Variants in PRKG1 observed in about 807,000 individuals in gnomAD.
The protein encoded by PRKG1 is protein kinase cGMP-dependent 1, also known as cGMP-dependent protein kinase 1.
PRKG1 carries 35 observed loss-of-function variants against 88.1 expected under a neutral mutation model. The observed-to-expected ratio is 0.40, with a 90% CI of 0.30 to 0.53. The LOEUF (loss-of-function observed/expected upper bound fraction) is 0.53. Ranked by LOEUF, PRKG1 falls within the 20% of genes least tolerant of loss-of-function variation. The probability of loss-of-function intolerance (pLI) is 0.59; values close to 1 mark genes in which losing one functional copy is unlikely to be tolerated. For synonymous variants in PRKG1, 303 were observed against 292.5 expected, an observed-to-expected ratio of 1.04 and a Z score of -0.37; for missense variants, 540 against 839.8, an observed-to-expected ratio of 0.64 and a Z score of 4.41.
intron 5 of PRKG1, among the ~76,000 whole-genome samples, chr10:52,022,457 A>G (rs961311488): frequency 5.3e-5 from 8 of 152,190 alleles, no homozygotes; most frequent in African/African-American, 1.9e-4. Flanking sequence ...ATATTACTTA[A>G]AGTTAAAATT....
At chr10:51,135,202 C>T (rs768499324) in intron 1 of PRKG1, among the ~76,000 whole-genome samples, 12 of 152,050 alleles carry the variant, frequency 7.9e-5, no homozygotes, top group Non-Finnish European at 1.6e-4. Context: ...AAAACTTTCC[C>T]AATTAAGGGA....
intron 2 of PRKG1, among the ~76,000 whole-genome samples, chr10:51,265,157 A>C (rs768151989): frequency 6.6e-6 from 1 of 152,148 alleles, no homozygotes; most frequent in Non-Finnish European, 1.5e-5. Flanking sequence ...GAATAAGTAC[A>C]TGTTTTTCCA....
intron 2 of PRKG1, among the ~76,000 whole-genome samples, chr10:51,291,906 T>C (rs58708246): frequency 3.8e-4 from 58 of 152,322 alleles, no homozygotes; most frequent in African/African-American, 1.4e-3. Flanking sequence ...TGCCTTTAAG[T>C]GTTTTAAAAT....
At chr10:51,109,251 G>T (rs1384685487) in intron 1 of PRKG1, among the ~76,000 whole-genome samples, 1 of 152,140 alleles carries the variant, frequency 6.6e-6, no homozygotes, top group Non-Finnish European at 1.5e-5. Context: ...ACATGGAAAT[G>T]CAAAGGACTT....
intron 2 of PRKG1, among the ~76,000 whole-genome samples, chr10:51,453,210 T>C (rs965432175): frequency 6.6e-6 from 1 of 151,990 alleles, no homozygotes; most frequent in African/African-American, 2.4e-5. Flanking sequence ...CACTAAATGG[T>C]CTATCAGTTT....
chr10:51,153,074 G>T (rs1846118230), intron 1 of PRKG1, 90 bp from the exon 2 acceptor site: 6 of 993,326 alleles, frequency 6.0e-6, no homozygotes, highest in Middle Eastern at 2.9e-4. Context: ...CATTTGTGGT[G>T]TGCCAGAGCA....
At chr10:51,543,927 T>C (rs1842379244) in intron 3 of PRKG1, among the ~76,000 whole-genome samples, 1 of 152,156 alleles carries the variant, frequency 6.6e-6, no homozygotes, top group Admixed American at 6.5e-5. Context: ...GGATACCCTT[T>C]CCAATTCATT....
chr10:51,203,924 A>G (rs1486909562), intron 2 of PRKG1, among the ~76,000 whole-genome samples: 1 of 152,172 alleles, frequency 6.6e-6, no homozygotes, highest in Non-Finnish European at 1.5e-5. Flanking sequence ...ATATGGATGG[A>G]TGAATGAATT....
At chr10:51,728,093 A>G (rs773337045) in intron 3 of PRKG1, among the ~76,000 whole-genome samples, 2 of 152,172 alleles carry the variant, frequency 1.3e-5, no homozygotes, top group Non-Finnish European at 2.9e-5. Context: ...TCATGCGCAC[A>G]GAAGATTTTC....
intron 3 of PRKG1, among the ~76,000 whole-genome samples, chr10:51,618,652 A>G (rs577031801): frequency 2.6e-5 from 4 of 152,332 alleles, no homozygotes; most frequent in South Asian, 2.1e-4. Context: ...AACAAGTAAT[A>G]TAGAGTTTTG....
intron 5 of PRKG1, among the ~76,000 whole-genome samples, chr10:52,035,207 G>T (rs1189118738): frequency 6.6e-6 from 1 of 152,126 alleles, no homozygotes; most frequent in Non-Finnish European, 1.5e-5. Context: ...TACCTATCCA[G>T]TGAAAGTATC....
intron 5 of PRKG1, among the ~76,000 whole-genome samples, chr10:51,971,168 G>T (rs914541468): frequency 1.3e-5 from 2 of 151,960 alleles, no homozygotes; most frequent in Non-Finnish European, 2.9e-5. Flanking sequence ...TTTGGAGGGG[G>T]TGTAGTGATG....
chr10:51,699,025 T>C lies in PRKG1; in HGVS notation c.593-105560T>C, dbSNP rs773032001. 7 of 1,614,252 alleles carry C rather than the reference T, an allele frequency of 4.3e-6. No individual in the cohort carries two copies. In the South Asian group the frequency reaches 7.7e-5, roughly 18 times the overall value. ...GATCCATGATTCTCATCACTACTTG[T>C]GCCTGCAACAGTGCATAAGCCAGTT... On this transcript the variant is annotated intron_variant, in intron 3 of 17. Coordinates refer to ENST00000373980, the MANE Select transcript of PRKG1 (RefSeq NM_006258.4).
intron 2 of PRKG1, among the ~76,000 whole-genome samples, chr10:51,207,352 T>A (rs1036731638): frequency 2.6e-5 from 4 of 152,198 alleles, no homozygotes; most frequent in Non-Finnish European, 5.9e-5. Context: ...ATTCACTAAA[T>A]CTCTTATTAT....
chr10:51,643,000 C>T (rs1052941639), intron 3 of PRKG1, among the ~76,000 whole-genome samples: 2 of 152,092 alleles, frequency 1.3e-5, no homozygotes, highest in African/African-American at 2.4e-5. Flanking sequence ...CAGGTTTTTC[C>T]CACTTTTTAA....
chr10:51,011,368 G>C (rs548889261), intron 1 of PRKG1, among the ~76,000 whole-genome samples: 1 of 152,114 alleles, frequency 6.6e-6, no homozygotes, highest in East Asian at 1.9e-4. Flanking sequence ...AATGTCTCCA[G>C]ACACCACCTC....
intron 5 of PRKG1, among the ~76,000 whole-genome samples, chr10:51,948,562 G>A (rs74132829): frequency 0.085 from 12,632 of 149,058 alleles, 1,444 homozygotes; most frequent in African/African-American, 0.26. Context: ...GTGTGTGTGT[G>A]TAATTTGATA....
At chr10:52,131,049 T>G (rs538090082) in intron 7 of PRKG1, among the ~76,000 whole-genome samples, 1 of 152,280 alleles carries the variant, frequency 6.6e-6, no homozygotes, top group Admixed American at 6.5e-5. Flanking sequence ...ATGAGGAAAT[T>G]GAGGCTTTCA....
chr10:51,917,076 G>A (rs532796175), intron 5 of PRKG1, among the ~76,000 whole-genome samples: 4 of 152,036 alleles, frequency 2.6e-5, no homozygotes, highest in Admixed American at 6.6e-5. Flanking sequence ...CCAGCACTTC[G>A]GGAGGCTGAG....
Sources: allele counts gnomAD v4.1 joint callset (sites outside exome capture counted in the v4.1 genomes callset), GRCh38; gene constraint gnomAD v4.1.1; transcripts MANE v1.5; gene names NCBI Gene and HGNC (gene_info 2026-07-23, HGNC 2026-07-21).